Variants in SRGAP2 observed in about 807,000 individuals in gnomAD.
The protein encoded by SRGAP2 is SLIT-ROBO Rho GTPase activating protein 2.
A neutral mutation model predicts 57.2 loss-of-function variants in SRGAP2; 15 were observed. That is an observed-to-expected ratio of 0.26 (90% CI 0.18 to 0.40). The LOEUF (loss-of-function observed/expected upper bound fraction) is 0.40. Ranked by LOEUF, SRGAP2 falls within the 10% of genes least tolerant of loss-of-function variation. The probability of loss-of-function intolerance (pLI) is 1.00; values close to 1 mark genes in which losing one functional copy is unlikely to be tolerated. For missense variants in SRGAP2, 520 were observed against 669.6 expected (o/e 0.78, Z 2.47); for synonymous variants, 249 against 248.0 (o/e 1.00, Z -0.04).
chr1:206,419,420 G>A lies in SRGAP2; in HGVS notation c.1469+20G>A. 2 of 780,772 alleles carry A rather than the reference G, an allele frequency of 2.6e-6. No homozygotes were observed. The allele number at this position is 780,772 out of a possible 1,614,324, so 48.4% of individuals were successfully genotyped here. ...AGCCAGGTGAGTGTGGCCTGGGACAGGCCTGGGAAGTGATAGAGGCTTGGT... is the reference window on the plus strand; with the variant it reads ...AGCCAGGTGAGTGTGGCCTGGGACAAGCCTGGGAAGTGATAGAGGCTTGGT... On this transcript the variant is annotated intron_variant, in intron 12 of 22. Transcript: ENST00000573034.
In SRGAP2 at chr1:206,259,396, G is replaced by A. The variant is rs1232176748; in HGVS notation, c.68-43885G>A. On this transcript the variant is annotated intron_variant, in intron 2 of 22. Coordinates refer to ENST00000573034, the MANE Select transcript of SRGAP2 (RefSeq NM_015326.5). ...CTGTCACCCAGGCTGGAGTGTGATGGCATGATCATAGCTCACTGCAGCCTC... is the reference window on the plus strand; with the variant it reads ...CTGTCACCCAGGCTGGAGTGTGATGACATGATCATAGCTCACTGCAGCCTC... Among the ~76,000 whole-genome samples the A allele has an allele frequency of 4.7e-5, 7 of 149,610 alleles. No homozygotes were observed. In the East Asian group the frequency reaches 1.4e-3, roughly 30 times the overall value.
chr1:206,458,512 C>G, intron 21 of SRGAP2, 111 bp from the exon 22 acceptor site: 2 of 699,346 alleles, frequency 2.9e-6, no homozygotes, highest in Admixed American at 2.1e-5. Context: ...AGTTCTGTGT[C>G]CCTCTCCTTC....
chr1:206,347,951 G>A (rs144472504), intron 4 of SRGAP2, among the ~76,000 whole-genome samples: 6,149 of 151,818 alleles, frequency 0.041, 202 homozygotes, highest in Non-Finnish European at 0.072. Context: ...AGGGAAACAA[G>A]GACTCATTAA....
intron 4 of SRGAP2, among the ~76,000 whole-genome samples, chr1:206,383,235 T>C (rs1655875961): frequency 1.3e-5 from 2 of 149,814 alleles, no homozygotes; most frequent in East Asian, 3.9e-4. Context: ...ATGTTGGCCA[T>C]GCTGGTCTCG....
intron 10 of SRGAP2, among the ~76,000 whole-genome samples, chr1:206,409,553 G>A (rs1171844140): frequency 9.2e-5 from 14 of 152,108 alleles, no homozygotes; most frequent in African/African-American, 2.4e-4. Context: ...AGCCTGAAGC[G>A]GGTGGGTCTC....
intron 3 of SRGAP2, among the ~76,000 whole-genome samples, chr1:206,333,818 G>C (rs1674566618): frequency 6.6e-6 from 1 of 152,226 alleles, no homozygotes; most frequent in South Asian, 2.1e-4. Context: ...CATAGTTCAA[G>C]GCGCTTTCCA....
At chr1:206,370,061 C>T (rs1417283637) in intron 4 of SRGAP2, among the ~76,000 whole-genome samples, 4 of 150,666 alleles carry the variant, frequency 2.7e-5, no homozygotes, top group East Asian at 3.9e-4. Context: ...GTCCGGAGAT[C>T]GAGACCATCC....
intron 4 of SRGAP2, among the ~76,000 whole-genome samples, chr1:206,372,961 TTTCCTTTCTTTC>T (rs1654755830): frequency 1.8e-4 from 2 of 11,038 alleles, no homozygotes; most frequent in Admixed American, 8.9e-4. Flanking sequence ...CTTTCTTTTC[TTTCCTTTCTTTC>T]TTTCTTTCTT....
At chr1:206,435,832 T>C (rs1280506897) in intron 14 of SRGAP2, among the ~76,000 whole-genome samples, 2 of 152,382 alleles carry the variant, frequency 1.3e-5, no homozygotes, top group East Asian at 3.8e-4. Flanking sequence ...AAGCATTGAT[T>C]AGCAGCAGTC....
chr1:206,222,692 G>GT (rs1553304958), intron 2 of SRGAP2, among the ~76,000 whole-genome samples: 1 of 150,422 alleles, frequency 6.6e-6, no homozygotes, highest in Non-Finnish European at 1.5e-5. Flanking sequence ...GATGGAGGTA[G>GT]TTTTTTGTAA....
At chr1:206,220,325 G>A (rs1408855219) in intron 2 of SRGAP2, among the ~76,000 whole-genome samples, 5 of 152,102 alleles carry the variant, frequency 3.3e-5, no homozygotes, top group South Asian at 4.1e-4. Flanking sequence ...ATCCGATAAC[G>A]TTAGGAGCAG....
At chr1:206,285,929 G>A (rs1670998368) in intron 2 of SRGAP2, among the ~76,000 whole-genome samples, 2 of 152,170 alleles carry the variant, frequency 1.3e-5, no homozygotes, top group Non-Finnish European at 2.9e-5. Flanking sequence ...GCCTCCCAAA[G>A]TACTGGGATT....
chr1:206,244,733 T>G (rs1668438310), intron 2 of SRGAP2, among the ~76,000 whole-genome samples: 1 of 152,156 alleles, frequency 6.6e-6, no homozygotes, highest in Admixed American at 6.5e-5. Flanking sequence ...TTTTGTTTCT[T>G]TTTTACTCAG....
At chr1:206,421,127 T>G (rs1166878759) in intron 12 of SRGAP2, 123 bp from the exon 13 acceptor site, 1 of 555,342 alleles carries the variant, frequency 1.8e-6, no homozygotes. Context: ...ACAGATTTTT[T>G]TTAATTATTA....
chr1:206,437,942 C>CGG (rs781825851), intron 15 of SRGAP2, 22 bp from the exon 16 acceptor site: 2 of 780,196 alleles, frequency 2.6e-6, no homozygotes, highest in East Asian at 4.8e-5. Flanking sequence ...CTTTCCTTTT[C>CGG]GTGGGGGTTG....
rs185208493 is a variant in SRGAP2, at chr1:206,267,264, G to A, written c.68-36017G>A. ...ATTACAGGCATGAGCCACCACGCCC[G>A]GCCACTTTCAAACATTCATGGCGCT... is the stretch of plus-strand genomic sequence containing the variant. On this transcript the variant is annotated intron_variant, in intron 2 of 22. Coordinates refer to ENST00000573034, the MANE Select transcript of SRGAP2 (RefSeq NM_015326.5). Among the ~76,000 whole-genome samples the A allele has an allele frequency of 1.6e-3, 244 of 152,294 alleles. 2 individuals are homozygous for A. Among genetic ancestry groups the A allele is most frequent in the African/African-American group, 5.7e-3 (237 of 41,572 alleles).
At chr1:206,362,818 A>G (rs1677011086) in intron 4 of SRGAP2, among the ~76,000 whole-genome samples, 1 of 151,842 alleles carries the variant, frequency 6.6e-6, no homozygotes, top group African/African-American at 2.4e-5. Flanking sequence ...TCCTCAATAC[A>G]CAGTGAATTG....
intron 5 of SRGAP2, among the ~76,000 whole-genome samples, chr1:206,391,818 C>G (rs1657003019): frequency 6.6e-6 from 1 of 152,062 alleles, no homozygotes; most frequent in Non-Finnish European, 1.5e-5. Context: ...AGCTTGAGTT[C>G]TAGGCTTCCT....
intron 21 of SRGAP2, among the ~76,000 whole-genome samples, chr1:206,456,965 C>T (rs1663891747): frequency 6.6e-6 from 1 of 152,180 alleles, no homozygotes; most frequent in Admixed American, 6.5e-5. Flanking sequence ...TTCTGACATC[C>T]CTGACTTCCC....
Sources: gnomAD v4.1 joint callset for allele counts (sites outside exome capture counted in the v4.1 genomes callset) on GRCh38, gnomAD v4.1.1 for gene constraint, MANE v1.5 for transcripts, NCBI Gene and HGNC (gene_info 2026-07-23, HGNC 2026-07-21) for gene names.